The following FMNL2 variants were observed in gnomAD, a reference collection of about 807,000 sequenced individuals.
The protein encoded by FMNL2 is formin-like protein 2.
FMNL2 carries 51 observed loss-of-function variants against 130.2 expected under a neutral mutation model. That is an observed-to-expected ratio of 0.39 (90% confidence interval 0.31 to 0.49). The LOEUF (loss-of-function observed/expected upper bound fraction) is 0.49. Ranked by LOEUF, FMNL2 falls within the 20% of genes least tolerant of loss-of-function variation. FMNL2 has a pLI of 0.85. For synonymous variants in FMNL2, 465 were observed against 467.1 expected (o/e 1.00, Z 0.06); for missense variants, 977 against 1,316.2 (o/e 0.74, Z 3.99).
intron 1 of FMNL2, among the ~76,000 whole-genome samples, chr2:152,516,047 C>T (rs1393368581): frequency 1.3e-5 from 2 of 152,108 alleles, no homozygotes; most frequent in Admixed American, 6.6e-5. Flanking sequence ...TAAATCCTTG[C>T]TTGCACCGTC....
At chr2:152,501,460 A>G (rs901575226) in intron 1 of FMNL2, among the ~76,000 whole-genome samples, 2 of 152,222 alleles carry the variant, frequency 1.3e-5, no homozygotes, top group Admixed American at 1.3e-4. Flanking sequence ...CAATGGGTTG[A>G]TGGAAATGCT....
chr2:152,439,959 C>A (rs77250794), intron 1 of FMNL2, among the ~76,000 whole-genome samples: 13 of 151,498 alleles, frequency 8.6e-5, no homozygotes, highest in African/African-American at 3.2e-4. Flanking sequence ...AGGACCTTAA[C>A]CACCAGTAGA....
chr2:152,413,333 TA>T (rs527472282), intron 1 of FMNL2, among the ~76,000 whole-genome samples: 112 of 150,058 alleles, frequency 7.5e-4, no homozygotes, highest in Middle Eastern at 6.9e-3. Context: ...CTGACATGCT[TA>T]AAAAAAAAAT....
At chr2:152,594,321 C>G (rs1294203938) in intron 9 of FMNL2, among the ~76,000 whole-genome samples, 1 of 152,040 alleles carries the variant, frequency 6.6e-6, no homozygotes, top group Admixed American at 6.5e-5. Context: ...AACAAGGTAC[C>G]TAGATAATAA....
At chr2:152,643,797 A>T in intron 25 of FMNL2, 2 of 985,484 alleles carry the variant, frequency 2.0e-6, no homozygotes, top group Non-Finnish European at 2.4e-6. Flanking sequence ...TTTTCAGAAA[A>T]ATAGAGCAAA....
chr2:152,405,692 A>G lies in FMNL2; in HGVS notation c.117+69972A>G, dbSNP rs1312991955. ...TTTATGGTTTTAGAAACAAAGGCCA[A>G]GTTGAAGTAAAGTGACTTGAGATCT... On this transcript the variant is annotated intron_variant, in intron 1 of 25. Coordinates refer to ENST00000288670, the MANE Select transcript of FMNL2 (RefSeq NM_052905.4). Among the ~76,000 whole-genome samples, 5 of 152,200 alleles carry G rather than the reference A, an allele frequency of 3.3e-5. No homozygotes were observed. The East Asian group carries it at 9.6e-4, about 29-fold the overall frequency.
chr2:152,446,428 C>T (rs1032881860), intron 1 of FMNL2, among the ~76,000 whole-genome samples: 8 of 151,994 alleles, frequency 5.3e-5, no homozygotes, highest in African/African-American at 1.9e-4. Context: ...TAGCTGAAAC[C>T]AGATTGCAAA....
intron 2 of FMNL2, among the ~76,000 whole-genome samples, chr2:152,540,732 C>T (rs1253698526): frequency 6.6e-5 from 10 of 151,150 alleles, no homozygotes; most frequent in African/African-American, 2.4e-4. Context: ...GGGAGATATA[C>T]CTAATGCTAG....
At chr2:152,632,283 C>T (rs779162307) in intron 21 of FMNL2, 146 bp downstream of exon 21, 349 of 1,096,952 alleles carry the variant, frequency 3.2e-4, no homozygotes, top group Non-Finnish European at 4.0e-4. Context: ...ACACATCGGC[C>T]GTGGTGTTGT....
chr2:152,535,083 C>T (rs1376354190), intron 2 of FMNL2, among the ~76,000 whole-genome samples: 5 of 152,182 alleles, frequency 3.3e-5, no homozygotes, highest in Non-Finnish European at 7.4e-5. Flanking sequence ...TAATCATGCA[C>T]GTTTTCACTA....
chr2:152,644,589 G>A (rs929203600), intron 25 of FMNL2, among the ~76,000 whole-genome samples: 1 of 152,194 alleles, frequency 6.6e-6, no homozygotes, highest in Non-Finnish European at 1.5e-5. Flanking sequence ...TCATGCCCAT[G>A]TTCAACTATC....
intron 1 of FMNL2, among the ~76,000 whole-genome samples, chr2:152,456,543 T>C (rs993867861): frequency 2.6e-5 from 4 of 152,234 alleles, no homozygotes; most frequent in African/African-American, 9.6e-5. Context: ...GATGAGTGGC[T>C]TCTTGCTTCT....
chr2:152,524,799 A>G (rs949184510), intron 2 of FMNL2, among the ~76,000 whole-genome samples: 7 of 152,146 alleles, frequency 4.6e-5, no homozygotes, highest in African/African-American at 1.7e-4. Flanking sequence ...CTCTTAGCAC[A>G]GTGGGTACTG....
chr2:152,634,125 A>T (rs1559027718), intron 21 of FMNL2, among the ~76,000 whole-genome samples: 1 of 152,194 alleles, frequency 6.6e-6, no homozygotes, highest in South Asian at 2.1e-4. Flanking sequence ...ATTATCAATC[A>T]TTATAACTAG....
Position 152,629,646 on chromosome 2 carries a change from T to C in FMNL2, c.2401-10T>C. The stretch of plus-strand genomic sequence containing the variant: ...TTTTTCCCCTTTTTCTTTCTTTGAT[T>C]GGAATCTAGCAACTACATGCGATTA... On this transcript the variant is annotated splice_polypyrimidine_tract_variant and intron_variant, in intron 18 of 25. Transcript: ENST00000288670. The C allele has an allele frequency of 6.3e-7, 1 of 1,587,360 alleles. No homozygotes were observed. The highest frequency in any genetic ancestry group is 1.3e-5 in the African/African-American group (1 of 74,456).
chr2:152,449,247 C>T (rs954801399), intron 1 of FMNL2, among the ~76,000 whole-genome samples: 1 of 152,138 alleles, frequency 6.6e-6, no homozygotes, highest in African/African-American at 2.4e-5. Flanking sequence ...TGCATGATAG[C>T]CTCTTAGATG....
At chr2:152,599,140 G>A (rs937152627) in intron 9 of FMNL2, among the ~76,000 whole-genome samples, 28 of 152,284 alleles carry the variant, frequency 1.8e-4, no homozygotes, top group East Asian at 1.9e-4. Flanking sequence ...GGAGAGGGAC[G>A]TCTTCTTTAC....
intron 9 of FMNL2, among the ~76,000 whole-genome samples, chr2:152,603,399 G>GTT (rs138427461): frequency 0.057 from 7,667 of 135,096 alleles, 398 homozygotes; most frequent in African/African-American, 0.11. Flanking sequence ...ATTTAAGTCT[G>GTT]TTTTTTTTTT....
intron 1 of FMNL2, among the ~76,000 whole-genome samples, chr2:152,362,077 C>T (rs1411198529): frequency 1.3e-5 from 2 of 152,142 alleles, no homozygotes; most frequent in African/African-American, 4.8e-5. Flanking sequence ...ATGTATTCTT[C>T]CAGTATGGTT....
Sources: allele counts gnomAD v4.1 joint callset (sites outside exome capture counted in the v4.1 genomes callset), GRCh38; gene constraint gnomAD v4.1.1; transcripts MANE v1.5; gene names NCBI Gene and HGNC (gene_info 2026-07-23, HGNC 2026-07-21).